Variants in NDRG4 observed in about 807,000 individuals in gnomAD.
NDRG4 encodes the protein NDRG family member 4, also known as protein NDRG4.
A neutral mutation model predicts 55.8 loss-of-function variants in NDRG4; 38 were observed. The observed-to-expected ratio is 0.68, with a 90% CI of 0.53 to 0.89. NDRG4 has a LOEUF of 0.89. Among genes scored for constraint, NDRG4 ranks in the 40% least tolerant of loss-of-function variants. The pLI, the probability that NDRG4 is intolerant of heterozygous loss-of-function variation, is 0.00. For synonymous variants in NDRG4, 190 were observed against 182.7 expected (o/e 1.04, Z -0.32); for missense variants, 455 against 468.6 (o/e 0.97, Z 0.27).
chr16:58,481,887 C>T (rs772800802), intron 1 of NDRG4, among the ~76,000 whole-genome samples: 1 of 152,180 alleles, frequency 6.6e-6, no homozygotes, highest in African/African-American at 2.4e-5. Flanking sequence ...GTTCCCTGGA[C>T]AGTTCCAGAC....
intron 1 of NDRG4, 167 bp downstream of exon 1, chr16:58,500,436 C>G (rs2036931245): frequency 3.3e-6 from 3 of 904,964 alleles, no homozygotes; most frequent in Non-Finnish European, 4.8e-6. Context: ...TCCAGGTTCC[C>G]TGGTGATCCT....
At chr16:58,497,464 G>T (rs1440368762), upstream of NDRG4, among the ~76,000 whole-genome samples, 1 of 152,218 alleles carries the variant, frequency 6.6e-6, no homozygotes, top group Non-Finnish European at 1.5e-5. Context: ...GAGTGCTGGG[G>T]TACTAGTAGC....
chr16:58,469,032 T>A (rs1261444551), intron 1 of NDRG4, among the ~76,000 whole-genome samples: 2 of 152,332 alleles, frequency 1.3e-5, no homozygotes, highest in South Asian at 2.1e-4. Context: ...TGGAAATTTT[T>A]AAAAATATAC....
intron 1 of NDRG4, among the ~76,000 whole-genome samples, chr16:58,481,142 G>A (rs978409541): frequency 2.0e-5 from 3 of 152,088 alleles, no homozygotes; most frequent in Non-Finnish European, 4.4e-5. Context: ...ACCTGTGTAT[G>A]CCTCACTTCC....
chr16:58,465,028 G>A (rs1428169720), intron 1 of NDRG4: 3 of 1,251,826 alleles, frequency 2.4e-6, no homozygotes, highest in Admixed American at 4.9e-5. Context: ...TCACATCCAG[G>A]GGGCAGTGGC....
rs761937401 is a variant in NDRG4, at chr16:58,513,284, G to C, written c.*1708G>C. The C allele has an allele frequency of 6.6e-6, 1 of 151,918 alleles. No homozygotes were observed. The allele number at this position is 151,918 out of a possible 1,614,324, so 9.4% of individuals were successfully genotyped here. A position where few individuals can be genotyped will look rare whatever the true frequency, so the allele number is the denominator to read the frequency against. On this transcript the variant is annotated 3_prime_UTR_variant, in exon 15 of 15. Coordinates refer to ENST00000570248, the MANE Select transcript of NDRG4 (RefSeq NM_001242835.2). ...TTTAATGTTTATTATTTTCTTCTCC[G>C]CACAAAGTAAAGAGCCTAATTTTGT...
upstream of NDRG4, among the ~76,000 whole-genome samples, chr16:58,496,094 G>A (rs751867934): frequency 3.3e-5 from 5 of 152,286 alleles, no homozygotes; most frequent in Admixed American, 6.5e-5. Flanking sequence ...GCAGCCAGCC[G>A]GTGCCTCAAC....
At chr16:58,501,270 C>T (rs1387249141) in intron 1 of NDRG4, 2 of 396,332 alleles carry the variant, frequency 5.0e-6, no homozygotes, top group East Asian at 3.6e-5. Flanking sequence ...ACAGGCCGAA[C>T]CACAGCACCA....
At chr16:58,497,958 T>TA (rs570846976), upstream of NDRG4, among the ~76,000 whole-genome samples, 10 of 150,146 alleles carry the variant, frequency 6.7e-5, no homozygotes, top group East Asian at 3.9e-4. Context: ...ACAGAGAGGT[T>TA]AAAAAAAAAA....
At chr16:58,487,125 C>T (rs773325231) in intron 1 of NDRG4, among the ~76,000 whole-genome samples, 10 of 152,294 alleles carry the variant, frequency 6.6e-5, no homozygotes, top group South Asian at 2.1e-4. Flanking sequence ...CCTCCCTGCA[C>T]GTGCCCTTCT....
chr16:58,514,526 C>G (rs2039057620), downstream of NDRG4, among the ~76,000 whole-genome samples: 2 of 152,000 alleles, frequency 1.3e-5, no homozygotes, highest in African/African-American at 2.4e-5. Flanking sequence ...TGCCTGAGCT[C>G]AGGAGTTCGA....
intron 1 of NDRG4, chr16:58,500,850 C>G: frequency 2.1e-6 from 1 of 483,212 alleles, no homozygotes; most frequent in Non-Finnish European, 3.3e-6. Flanking sequence ...TAGGAGCCAC[C>G]TCACAGTTCC....
chr16:58,468,251 G>A (rs748227505), intron 1 of NDRG4, among the ~76,000 whole-genome samples: 1 of 152,182 alleles, frequency 6.6e-6, no homozygotes, highest in Non-Finnish European at 1.5e-5. Context: ...AATGCTTGTC[G>A]AGGCCATTTC....
chr16:58,505,713 C>CTTTTTTTTTTTTTTTTTT (rs1028370131), intron 5 of NDRG4, among the ~76,000 whole-genome samples: 6 of 58,656 alleles, frequency 1.0e-4, no homozygotes, highest in African/African-American at 4.6e-4. Flanking sequence ...GCTTCATTTT[C>CTTTTTTTTTTTTTTTTTT]TTTTTTTTTT....
Position 58,474,028 on chromosome 16 carries a change from CTTTTTTTTTTTTT to C in NDRG4, c.-24+10245_-24+10257del, listed in dbSNP as rs1168834628. Among the ~76,000 whole-genome samples, 131 of 101,214 alleles carry C rather than the reference CTTTTTTTTTTTTT, an allele frequency of 1.3e-3. 1 individual carries two copies. Among genetic ancestry groups the C allele is most frequent in the Non-Finnish European group, 2.1e-3 (110 of 53,254 alleles). The allele number at this position is 101,214 out of a possible 152,430, so 66.4% of individuals were successfully genotyped here. A position where few individuals can be genotyped will look rare whatever the true frequency, so the allele number is the denominator to read the frequency against. ...GTTTTTTCACTTTTCTTTTCTTTCCCTTTTTTTTTTTTTTTTTTTTTTTTTTGAGAGAGAATCT... is the reference window on the plus strand; with the variant it reads ...GTTTTTTCACTTTTCTTTTCTTTCCCTTTTTTTTTTTTTGAGAGAGAATCT... On this transcript the variant is annotated intron_variant, in intron 1 of 15. Transcript: ENST00000258187.
chr16:58,500,479 CAG>C, intron 1 of NDRG4: 1 of 608,876 alleles, frequency 1.6e-6, no homozygotes, highest in East Asian at 3.2e-5. Flanking sequence ...AGCTGCTAGT[CAG>C]AGCCCATAGC....
chr16:58,503,670 G>T, intron 1 of NDRG4, 128 bp from the exon 2 acceptor site: 1 of 1,538,234 alleles, frequency 6.5e-7, no homozygotes, highest in South Asian at 1.2e-5. Flanking sequence ...TTGGGGTGAT[G>T]AGAACAGGAT....
At chr16:58,510,562 C>A in intron 13 of NDRG4, 83 bp from the exon 14 acceptor site, 1 of 1,193,786 alleles carries the variant, frequency 8.4e-7, no homozygotes, top group Non-Finnish European at 1.2e-6. Context: ...CATCTCAATG[C>A]CCTTGACTCA....
intron 1 of NDRG4, among the ~76,000 whole-genome samples, chr16:58,473,544 C>T (rs1478212723): frequency 6.6e-6 from 1 of 152,154 alleles, no homozygotes; most frequent in African/African-American, 2.4e-5. Context: ...CATCTTTCCC[C>T]CAAACCTTTT....
Sources: gnomAD v4.1 joint callset for allele counts (sites outside exome capture counted in the v4.1 genomes callset) on GRCh38, gnomAD v4.1.1 for gene constraint, MANE v1.5 for transcripts, NCBI Gene and HGNC (gene_info 2026-07-23, HGNC 2026-07-21) for gene names.